DCAF17: variants seen among roughly 807,000 people sequenced by gnomAD.
DCAF17 encodes the protein DDB1 and CUL4 associated factor 17.
DCAF17 carries 48 observed loss-of-function variants against 66.0 expected under a neutral mutation model. That is an observed-to-expected ratio of 0.73 (90% CI 0.58 to 0.92). The LOEUF is 0.92. Ranked by LOEUF, DCAF17 falls within the 40% of genes least tolerant of loss-of-function variation. The probability of loss-of-function intolerance (pLI) is 0.00; values close to 1 mark genes in which losing one functional copy is unlikely to be tolerated. For synonymous variants in DCAF17, 206 were observed against 214.6 expected, an observed-to-expected ratio of 0.96 and a Z score of 0.35; for missense variants, 562 against 622.8, an observed-to-expected ratio of 0.90 and a Z score of 1.04.
At position 171,453,121 on chromosome 2, in the gene DCAF17, T is replaced by C. The variant is rs908904990; in HGVS notation, c.538-3T>C. The C allele has an allele frequency of 5.0e-6, 8 of 1,603,844 alleles. No individual in the cohort carries two copies. Among genetic ancestry groups the C allele is most frequent in the Non-Finnish European group, 6.8e-6 (8 of 1,175,464 alleles). ...TGCGTGTAATTGTAGTCTTTCCTTC[T>C]AGGCAGGCATTCAACAACATGTTTT... is the stretch of plus-strand genomic sequence containing the variant. On this transcript the variant is annotated splice_region_variant and splice_polypyrimidine_tract_variant and intron_variant, in intron 5 of 13. Coordinates refer to ENST00000375255, the MANE Select transcript of DCAF17 (RefSeq NM_025000.4).
chr2:171,448,100 A>C (rs1694734381), intron 3 of DCAF17, among the ~76,000 whole-genome samples: 1 of 152,170 alleles, frequency 6.6e-6, no homozygotes, highest in Non-Finnish European at 1.5e-5. Flanking sequence ...GTGGTAAAGG[A>C]AAAAGGGGGC....
intron 2 of DCAF17, chr2:171,443,054 G>A (rs1383277751): frequency 6.6e-6 from 1 of 151,502 alleles, no homozygotes; most frequent in African/African-American, 2.4e-5. Context: ...ACCATAAAGG[G>A]TTTTTTGTTT....
At chr2:171,458,572 A>T in intron 8 of DCAF17, 95 bp downstream of exon 8, 7 of 1,022,596 alleles carry the variant, frequency 6.8e-6, no homozygotes, top group Non-Finnish European at 8.8e-6. Flanking sequence ...TTTCTCATTT[A>T]TTTAAAAAAC....
At chr2:171,443,687 G>A in intron 3 of DCAF17, 74 bp downstream of exon 3, 1 of 1,205,800 alleles carries the variant, frequency 8.3e-7, no homozygotes, top group South Asian at 1.2e-5. Context: ...TTAACATATT[G>A]CATAAAATAA....
intron 6 of DCAF17, among the ~76,000 whole-genome samples, chr2:171,456,161 C>T (rs1695249772): frequency 2.6e-5 from 4 of 152,248 alleles, no homozygotes; most frequent in Middle Eastern, 6.8e-3. Context: ...AGATTTAAGT[C>T]TTTAATCCAT....
intron 8 of DCAF17, among the ~76,000 whole-genome samples, chr2:171,460,791 C>T (rs1574368864): frequency 6.6e-6 from 1 of 152,158 alleles, no homozygotes; most frequent in African/African-American, 2.4e-5. Flanking sequence ...CTACCTCATC[C>T]GCCCAAAGTG....
chr2:171,465,113 G>T (rs1213604115), intron 8 of DCAF17, among the ~76,000 whole-genome samples: 1 of 151,746 alleles, frequency 6.6e-6, no homozygotes, highest in African/African-American at 2.4e-5. Flanking sequence ...CAGGAGAATC[G>T]CATGAACCCG....
At chr2:171,459,878 A>T (rs1017458011) in intron 8 of DCAF17, among the ~76,000 whole-genome samples, 1 of 152,224 alleles carries the variant, frequency 6.6e-6, no homozygotes, top group Non-Finnish European at 1.5e-5. Context: ...CAGCTCTAGC[A>T]ATACCTCCTG....
At chr2:171,453,249 A>G (rs1695057595) in intron 6 of DCAF17, 36 bp downstream of exon 6, 1 of 1,425,236 alleles carries the variant, frequency 7.0e-7, no homozygotes, top group Admixed American at 1.7e-5. Flanking sequence ...GCAATATTTT[A>G]TTGACAATAA....
Position 171,455,004 on chromosome 2 carries a change from T to C in DCAF17, c.627+1791T>C, listed in dbSNP as rs534181213. Among the ~76,000 whole-genome samples, 25 of 152,172 alleles carry C rather than the reference T, an allele frequency of 1.6e-4. No homozygotes were observed. The South Asian group carries it at 3.5e-3, about 22-fold the overall frequency. On this transcript the variant is annotated intron_variant, in intron 6 of 13. Transcript: ENST00000375255. ...TTTAACTTCTAAGTTCAGGGGTACA[T>C]GTGCATTATGTGCAGGTTTGTTATA...
chr2:171,461,343 C>T (rs1695575214), intron 8 of DCAF17, among the ~76,000 whole-genome samples: 1 of 152,008 alleles, frequency 6.6e-6, no homozygotes, highest in African/African-American at 2.4e-5. Context: ...AGGAGAATTG[C>T]TTGAACCCAG....
At chr2:171,434,736 G>T in intron 1 of DCAF17, 33 bp downstream of exon 1, 3 of 1,399,396 alleles carry the variant, frequency 2.1e-6, no homozygotes, top group Non-Finnish European at 2.8e-6. Context: ...GGGACGGAGG[G>T]CCGCGGGCGC....
At chr2:171,459,645 A>G (rs754237291) in intron 8 of DCAF17, among the ~76,000 whole-genome samples, 1 of 152,228 alleles carries the variant, frequency 6.6e-6, no homozygotes, top group Non-Finnish European at 1.5e-5. Flanking sequence ...AATTTTTTCT[A>G]TCATTTTTCC....
At chr2:171,478,402 TG>T (rs1696598359) in intron 12 of DCAF17, among the ~76,000 whole-genome samples, 2 of 152,208 alleles carry the variant, frequency 1.3e-5, no homozygotes, top group South Asian at 4.1e-4. Context: ...GGAAAATTCT[TG>T]AGTTATATCC....
chr2:171,434,612 G>A lies in DCAF17; in HGVS notation c.35G>A (p.Arg12Gln), dbSNP rs779151739. 2.0e-6 allele frequency: 3 copies of A among 1,529,710 alleles called. No homozygotes were observed. Among genetic ancestry groups the A allele is most frequent in the African/African-American group, 1.4e-5 (1 of 71,520 alleles). 94.8% of individuals were successfully genotyped at this position (1,529,710 alleles called of 1,614,324 possible). Residue 12 changes from arginine (R) to glutamine (Q), a missense_variant, in exon 1 of 14, where the codon CGG (arginine) becomes CAG (glutamine). Physicochemically the swap from Arg to Gln is conservative, Grantham distance 43 (BLOSUM62 1). This residue lies in a region of DCAF17 where 348 missense variants were observed against 355.9 expected (regional missense o/e 0.98). Transcript: ENST00000375255. ...GPTRKPNVCSRLSRRALGCFS... is the reference protein window; with the variant it reads ...GPTRKPNVCSQLSRRALGCFS... The stretch of plus-strand genomic sequence containing the variant: ...ACCCGGAAGCCCAACGTGTGCAGCC[G>A]GCTGAGTCGCCGGGCGCTGGGCTGC...
intron 3 of DCAF17, among the ~76,000 whole-genome samples, chr2:171,444,436 C>T (rs1335123234): frequency 2.0e-5 from 3 of 152,054 alleles, no homozygotes; most frequent in African/African-American, 4.8e-5. Context: ...ATGTGACAGG[C>T]ACAAAATTTA....
intron 2 of DCAF17, among the ~76,000 whole-genome samples, chr2:171,437,414 A>C (rs1405563560): frequency 2.6e-5 from 4 of 152,158 alleles, no homozygotes; most frequent in Admixed American, 1.3e-4. Flanking sequence ...TTTTGGATTT[A>C]TTTCCGGACG....
At chr2:171,478,156 T>C in intron 12 of DCAF17, 86 bp downstream of exon 12, 5 of 1,275,604 alleles carry the variant, frequency 3.9e-6, no homozygotes, top group Non-Finnish European at 5.7e-6. Context: ...TATCCTGGGG[T>C]AGAGGTTGGG....
At chr2:171,448,553 A>G in intron 3 of DCAF17, 128 bp from the exon 4 acceptor site, 1 of 796,408 alleles carries the variant, frequency 1.3e-6, no homozygotes, top group Non-Finnish European at 1.9e-6. Context: ...CTAGTTGGGC[A>G]TTTAATCTTT....
Sources: allele counts gnomAD v4.1 joint callset (sites outside exome capture counted in the v4.1 genomes callset), GRCh38; gene constraint gnomAD v4.1.1; regional missense constraint gnomAD v4.1.1; transcripts MANE v1.5; gene names NCBI Gene and HGNC (gene_info 2026-07-23, HGNC 2026-07-21).